Variants in PPARGC1B observed in about 807,000 individuals in gnomAD.
PPARGC1B encodes the protein PPARG coactivator 1 beta.
Under a neutral mutation model 101.6 loss-of-function variants are expected in PPARGC1B, and 34 were observed. The observed-to-expected ratio is 0.33, with a 90% CI of 0.25 to 0.45. The LOEUF (loss-of-function observed/expected upper bound fraction) is 0.45, where lower values mean the gene tolerates loss of function less well. Ranked by LOEUF, PPARGC1B falls within the 20% of genes least tolerant of loss-of-function variation. The probability of loss-of-function intolerance (pLI) is 1.00; values close to 1 mark genes in which losing one functional copy is unlikely to be tolerated. For synonymous variants in PPARGC1B, 548 were observed against 539.3 expected (o/e 1.02, Z -0.22); for missense variants, 1,234 against 1,317.6 (o/e 0.94, Z 0.98).
chr5:149,806,914 T>A (rs1561563479), intron 1 of PPARGC1B, among the ~76,000 whole-genome samples: 2 of 151,392 alleles, frequency 1.3e-5, no homozygotes, highest in Admixed American at 6.6e-5. Flanking sequence ...GCCAACTTTT[T>A]AAAAAAAATT....
At chr5:149,783,868 C>T (rs1046709272) in intron 1 of PPARGC1B, among the ~76,000 whole-genome samples, 2 of 152,158 alleles carry the variant, frequency 1.3e-5, no homozygotes, top group East Asian at 1.9e-4. Flanking sequence ...TCTTTATACC[C>T]CTTTATACCC....
chr5:149,819,969 G>A (rs1327693725), intron 1 of PPARGC1B, among the ~76,000 whole-genome samples: 1 of 152,098 alleles, frequency 6.6e-6, no homozygotes, highest in African/African-American at 2.4e-5. Flanking sequence ...CTGGGAACAT[G>A]AATGGGTGTT....
At position 149,836,856 on chromosome 5, in the gene PPARGC1B, G is replaced by A. The variant is rs1432690912; in HGVS notation, c.2401G>A (p.Glu801Lys). 7 of 1,612,990 alleles carry A rather than the reference G, an allele frequency of 4.3e-6. No homozygotes were observed. Among genetic ancestry groups the A allele is most frequent in the African/African-American group, 4.0e-5 (3 of 74,936 alleles). ...VFEDSSSSSG[E>K]SSFLPEEEEE... ...TGAAGACAGCAGCAGCAGCAGCGGC[G>A]AGAGCAGCTTCCTCCCAGAGGAGGA... Residue 801 changes from glutamate to lysine, a missense_variant, in exon 8 of 12, where the codon GAG becomes AAG. By Grantham distance (56) the Glu-to-Lys change is moderately conservative (BLOSUM62 1). Coordinates refer to ENST00000309241, the MANE Select transcript of PPARGC1B (RefSeq NM_133263.4).
At chr5:149,768,101 G>T (rs946102579) in intron 1 of PPARGC1B, among the ~76,000 whole-genome samples, 4 of 152,044 alleles carry the variant, frequency 2.6e-5, no homozygotes, top group Non-Finnish European at 4.4e-5. Flanking sequence ...TGTCGCTGCA[G>T]AAAACCCTGC....
At chr5:149,746,028 A>G (rs916115460) in intron 1 of PPARGC1B, among the ~76,000 whole-genome samples, 1 of 152,226 alleles carries the variant, frequency 6.6e-6, no homozygotes, top group African/African-American at 2.4e-5. Context: ...GTCCCAGACC[A>G]TGCAGTAGCT....
intron 1 of PPARGC1B, among the ~76,000 whole-genome samples, chr5:149,736,392 A>G (rs974780223): frequency 1.1e-4 from 17 of 151,754 alleles, no homozygotes; most frequent in African/African-American, 3.9e-4. Context: ...CGTAAAAAAG[A>G]GAAGCATAAT....
rs555637810 is a variant in PPARGC1B, at chr5:149,815,828, T to C, written c.79-4605T>C. Among the ~76,000 whole-genome samples the C allele has an allele frequency of 1.1e-3, 172 of 152,348 alleles. 1 individual carries two copies. Among genetic ancestry groups the C allele is most frequent in the African/African-American group, 3.9e-3 (163 of 41,594 alleles). On this transcript the variant is annotated intron_variant, in intron 1 of 11. Coordinates refer to ENST00000309241, the MANE Select transcript of PPARGC1B (RefSeq NM_133263.4). ...TCCCAAAGTGCTGGGATTACAGGTG[T>C]GAGCCACCGCGCCTGTTCCTAGCAA...
At chr5:149,765,440 G>T (rs1755873661) in intron 1 of PPARGC1B, among the ~76,000 whole-genome samples, 1 of 152,168 alleles carries the variant, frequency 6.6e-6, no homozygotes, top group Non-Finnish European at 1.5e-5. Context: ...TCAAATCTAG[G>T]TTTACTCCTA....
intron 1 of PPARGC1B, among the ~76,000 whole-genome samples, chr5:149,807,026 C>G (rs182694554): frequency 1.1e-3 from 166 of 151,482 alleles, no homozygotes; most frequent in Non-Finnish European, 1.7e-3. Context: ...GTGGTACCAT[C>G]ACAGCTCACT....
intron 1 of PPARGC1B, among the ~76,000 whole-genome samples, chr5:149,741,664 G>T (rs1191321772): frequency 6.9e-6 from 1 of 143,922 alleles, no homozygotes; most frequent in African/African-American, 2.6e-5. Flanking sequence ...GTCTTACCCT[G>T]TTGCCCAGGC....
intron 10 of PPARGC1B, among the ~76,000 whole-genome samples, chr5:149,845,169 T>C (rs1479416571): frequency 6.6e-6 from 1 of 152,160 alleles, no homozygotes; most frequent in African/African-American, 2.4e-5. Flanking sequence ...CAGGCAGGCA[T>C]CATAGATGTC....
At chr5:149,813,112 G>A (rs1387875327) in intron 1 of PPARGC1B, among the ~76,000 whole-genome samples, 1 of 152,150 alleles carries the variant, frequency 6.6e-6, no homozygotes, top group African/African-American at 2.4e-5. Flanking sequence ...AGAAGGTTTG[G>A]GGCTTAGCAG....
intron 1 of PPARGC1B, among the ~76,000 whole-genome samples, chr5:149,777,892 G>A: frequency 1.2e-5 from 1 of 84,564 alleles, no homozygotes; most frequent in African/African-American, 5.2e-5. Context: ...CACACACACA[G>A]AGTACCCGGC....
At position 149,851,472 on chromosome 5, in the gene PPARGC1B, C is replaced by T. The variant is rs1049440460; in HGVS notation, c.*3914C>T. The T allele has an allele frequency of 6.6e-6, 1 of 152,190 alleles. No individual in the cohort carries two copies. The highest frequency in any genetic ancestry group is 1.9e-4 in the East Asian group (1 of 5,198). The allele number at this position is 152,190 out of a possible 1,614,324, so 9.4% of individuals were successfully genotyped here. ...ATCTGACTCACTGATGTCAAAATTG[C>T]AGTATTTTTTTAGCATTTGAGATTT... On this transcript the variant is annotated 3_prime_UTR_variant, in exon 12 of 12. Coordinates refer to ENST00000309241, the MANE Select transcript of PPARGC1B (RefSeq NM_133263.4).
intron 1 of PPARGC1B, among the ~76,000 whole-genome samples, chr5:149,813,189 C>T (rs554703661): frequency 1.2e-4 from 18 of 152,256 alleles, no homozygotes; most frequent in African/African-American, 3.6e-4. Flanking sequence ...CAGTGCTGTG[C>T]GCTTGTCACC....
chr5:149,821,265 C>T (rs1160580620), intron 2 of PPARGC1B, among the ~76,000 whole-genome samples: 1 of 152,186 alleles, frequency 6.6e-6, no homozygotes, highest in Non-Finnish European at 1.5e-5. Context: ...AGAGGGAGTG[C>T]CAAGAACCAC....
At chr5:149,828,148 G>GAT (rs1758601262) in intron 3 of PPARGC1B, among the ~76,000 whole-genome samples, 1 of 152,188 alleles carries the variant, frequency 6.6e-6, no homozygotes, top group South Asian at 2.1e-4. Context: ...CCTAGTCTAG[G>GAT]ACCCTTTCCC....
At chr5:149,757,322 C>T (rs533176977) in intron 1 of PPARGC1B, among the ~76,000 whole-genome samples, 2 of 149,106 alleles carry the variant, frequency 1.3e-5, no homozygotes, top group Middle Eastern at 3.5e-3. Flanking sequence ...ACGGGAACTA[C>T]ATAAAGAAAC....
intron 1 of PPARGC1B, among the ~76,000 whole-genome samples, chr5:149,739,151 G>A (rs1754826631): frequency 6.6e-6 from 1 of 152,202 alleles, no homozygotes; most frequent in Non-Finnish European, 1.5e-5. Context: ...TCATACAGAA[G>A]TAGACAGTAG....
Sources: allele counts gnomAD v4.1 joint callset (sites outside exome capture counted in the v4.1 genomes callset), GRCh38; gene constraint gnomAD v4.1.1; transcripts MANE v1.5; gene names NCBI Gene and HGNC (gene_info 2026-07-23, HGNC 2026-07-21).